KIRREL2: variants seen among roughly 807,000 people sequenced by gnomAD.
The protein encoded by KIRREL2 is kirre like nephrin family adhesion molecule 2.
In KIRREL2, 56 loss-of-function variants were observed where a neutral mutation model predicts 73.4. The ratio of observed to expected loss-of-function variants is 0.76; its 90% CI spans 0.62 to 0.95. The LOEUF (loss-of-function observed/expected upper bound fraction) is 0.95, where lower values mean the gene tolerates loss of function less well. Among genes scored for constraint, KIRREL2 ranks in the 40% least tolerant of loss-of-function variants. The pLI is 0.00. For missense variants in KIRREL2, 896 were observed against 935.0 expected, an observed-to-expected ratio of 0.96 and a Z score of 0.54; for synonymous variants, 407 against 404.0, an observed-to-expected ratio of 1.01 and a Z score of -0.09.
At position 35,860,885 on chromosome 19, in the gene KIRREL2, TGACCCCTA is replaced by T; in HGVS notation, c.929-22_929-15del. On this transcript the variant is annotated splice_polypyrimidine_tract_variant and intron_variant, in intron 7 of 14. Transcript: ENST00000360202. ...GTGGCTGCATTCCGCCCCGGCCATG[TGACCCCTA>T]GTCTCTTTCGTCCAGTTGGGCCGAT... The T allele has an allele frequency of 1.2e-6, 2 of 1,612,784 alleles. No homozygotes were observed. Among genetic ancestry groups the T allele is most frequent in the Non-Finnish European group, 1.7e-6 (2 of 1,179,626 alleles).
chr19:35,858,468 G>A lies in KIRREL2; in HGVS notation c.272G>A (p.Arg91Lys). 2 of 1,614,134 alleles carry A rather than the reference G, an allele frequency of 1.2e-6. No individual in the cohort carries two copies. Among genetic ancestry groups the A allele is most frequent in the Non-Finnish European group, 1.7e-6 (2 of 1,180,022 alleles). ...AATGGCCAGCATGACCTCCACATTA[G>A]GCCCGTGGAGCTAGAGGATGAAGCA... ...AANGQHDLHIRPVELEDEASY... is the reference protein window; with the variant it reads ...AANGQHDLHIKPVELEDEASY... The change falls in exon 3 of 15, where the codon AGG becomes AAG. Residue 91 changes from arginine (R) to lysine (K), a missense_variant. Coordinates refer to ENST00000360202, the MANE Select transcript of KIRREL2 (RefSeq NM_199180.4).
intron 13 of KIRREL2, among the ~76,000 whole-genome samples, chr19:35,863,757 G>A (rs1973818142): frequency 6.7e-6 from 1 of 148,308 alleles, no homozygotes; most frequent in South Asian, 2.2e-4. Flanking sequence ...CGGCCTGAGG[G>A]CTCAAGTCTT....
intron 12 of KIRREL2, 57 bp from the exon 13 acceptor site, chr19:35,862,870 G>T: frequency 9.6e-7 from 1 of 1,039,984 alleles, no homozygotes; most frequent in Non-Finnish European, 1.5e-6. Flanking sequence ...CCGCTTATTG[G>T]TCTGCACACA....
rs1187352433 is a variant in KIRREL2 at position 35,857,443 on chromosome 19, G to C, written c.160G>C (p.Val54Leu). 2 of 1,612,394 alleles carry C rather than the reference G, an allele frequency of 1.2e-6. No individual in the cohort carries two copies. Among genetic ancestry groups the C allele is most frequent in the East Asian group, 2.2e-5 (1 of 44,898 alleles). ...TGCTCTGGGCGCCTACTGGGGGCTA[G>C]TTCAGTGGACTAAGAGTGGGCTGGC... ...PCALGAYWGL[V>L]QWTKSGLALG... The change falls in exon 2 of 15, where the codon GTT (valine) becomes CTT (leucine). Residue 54 changes from valine (V) to leucine (L), a missense_variant. Coordinates refer to ENST00000360202, the MANE Select transcript of KIRREL2 (RefSeq NM_199180.4).
chr19:35,856,277 G>A (rs975281145), upstream of KIRREL2, among the ~76,000 whole-genome samples: 1 of 152,164 alleles, frequency 6.6e-6, no homozygotes, highest in African/African-American at 2.4e-5. This position sits in a 1 kb window ranked among gnomAD's most constrained non-coding sequence, Gnocchi z 5.9. Context: ...CAACCAGGCC[G>A]AGGGGCCCGG....
At position 35,860,662 on chromosome 19, in the gene KIRREL2, T is replaced by G; in HGVS notation, c.923T>G (p.Val308Gly). ...GSANRSTALD[V>G]LFGPILQAKP... is the part of the protein sequence containing the mutation. The stretch of plus-strand genomic sequence containing the variant: ...GCCAACCGCAGTACTGCGCTGGATG[T>G]GCTGTGTGAGCTGGGGCCGGCCTGT... The change falls in exon 7 of 15, where the codon GTG becomes GGG. Residue 308 changes from valine (V) to glycine (G), a missense_variant. Transcript: ENST00000360202. The G allele has an allele frequency of 6.2e-7, 1 of 1,602,672 alleles. No homozygotes were observed. The highest frequency in any genetic ancestry group is 8.5e-7 in the Non-Finnish European group (1 of 1,179,788).
chr19:35,857,189 C>T lies in KIRREL2; in HGVS notation c.61+9C>T, dbSNP rs751641018. 1 of 1,130,560 alleles carries T rather than the reference C, an allele frequency of 8.8e-7. No individual in the cohort carries two copies. Among genetic ancestry groups the T allele is most frequent in the Non-Finnish European group, 1.3e-6 (1 of 788,498 alleles). 70.0% of individuals were successfully genotyped at this position (1,130,560 alleles called of 1,614,324 possible). On this transcript the variant is annotated intron_variant, in intron 1 of 14. Transcript: ENST00000360202. ...CTTCAGAGGGAGAGCAGGTACCGCACGAGGGGAGCGGAGGAATATGGGGTG... is the reference window on the plus strand; with the variant it reads ...CTTCAGAGGGAGAGCAGGTACCGCATGAGGGGAGCGGAGGAATATGGGGTG...
intron 14 of KIRREL2, among the ~76,000 whole-genome samples, chr19:35,865,071 C>T (rs1445823222): frequency 1.3e-5 from 2 of 152,066 alleles, no homozygotes; most frequent in East Asian, 3.9e-4. Flanking sequence ...CCTCTGGGGT[C>T]CTACCTCAGG....
chr19:35,855,706 C>CACACACACACACACAT (rs1491182830), upstream of KIRREL2, among the ~76,000 whole-genome samples: 21 of 90,586 alleles, frequency 2.3e-4, no homozygotes, highest in East Asian at 3.1e-3. Flanking sequence ...CACACACACA[C>CACACACACACACACAT]ATACACACAG....
At position 35,862,861 on chromosome 19, in the gene KIRREL2, C is replaced by T. The variant is rs950071466; in HGVS notation, c.1616-66C>T. The T allele has an allele frequency of 6.2e-6, 6 of 962,532 alleles. No individual in the cohort carries two copies. In the African/African-American group the frequency reaches 9.8e-5, roughly 16 times the overall value. The allele number at this position is 962,532 out of a possible 1,614,324, so 59.6% of individuals were successfully genotyped here. A position where few individuals can be genotyped will look rare whatever the true frequency, so the allele number is the denominator to read the frequency against. ...ATTGGTTCCCAGTCCTCTCTCTTCC[C>T]GCTTATTGGTCTGCACACATTGTGA... On this transcript the variant is annotated intron_variant, in intron 12 of 14. Transcript: ENST00000360202.
In KIRREL2 at chr19:35,866,780, G is replaced by A. The variant is rs764207842; in HGVS notation, c.*288G>A. ...AGGAGAGATGGGGACAGGGCAGTGG[G>A]TGTTGGGAGTTTGGGGCCGGGATGG... On this transcript the variant is annotated 3_prime_UTR_variant, in exon 15 of 15. Transcript: ENST00000360202. 10 of 528,646 alleles carry A rather than the reference G, an allele frequency of 1.9e-5. No individual in the cohort carries two copies. Among genetic ancestry groups the A allele is most frequent in the Non-Finnish European group, 3.0e-5 (9 of 304,592 alleles). 32.7% of individuals were successfully genotyped at this position (528,646 alleles called of 1,614,324 possible).
chr19:35,864,758 C>A, intron 14 of KIRREL2, 45 bp downstream of exon 14: 1 of 1,420,646 alleles, frequency 7.0e-7, no homozygotes, highest in Non-Finnish European at 9.9e-7. Flanking sequence ...TTGGGAGAGG[C>A]GGGGCTCCCT....
chr19:35,861,156 C>T lies in KIRREL2; in HGVS notation c.1091C>T (p.Ser364Leu), dbSNP rs931063341. The T allele has an allele frequency of 6.3e-7, 1 of 1,592,294 alleles. No individual in the cohort carries two copies. The highest frequency in any genetic ancestry group is 8.5e-7 in the Non-Finnish European group (1 of 1,170,686). ...LGSGATLRLP[S>L]VGPEDAGDYV... Reference sequence around the variant, plus strand: ...TCTGGAGCCACACTGCGTCTTCCGTCGGTGGGGCCCGAGGACGCAGGCGAC... The same window carrying T: ...TCTGGAGCCACACTGCGTCTTCCGTTGGTGGGGCCCGAGGACGCAGGCGAC... The change falls in exon 9 of 15, where the codon TCG (serine) becomes TTG (leucine). Residue 364 changes from serine to leucine, a missense_variant. Transcript: ENST00000360202.
At chr19:35,851,644 G>A (rs544235158), upstream of KIRREL2, 82 of 1,613,770 alleles carry the variant, frequency 5.1e-5, 1 homozygote, top group South Asian at 5.1e-4. Context: ...CCCGGGGAAC[G>A]GAGGCAGGAA....
chr19:35,863,536 T>C (rs2146877401), intron 13 of KIRREL2, among the ~76,000 whole-genome samples: 1 of 148,874 alleles, frequency 6.7e-6, no homozygotes, highest in South Asian at 2.2e-4. Flanking sequence ...CACTGCAACC[T>C]CTGCCTCCCT....
At chr19:35,852,359 C>A (rs1191016873), upstream of KIRREL2, among the ~76,000 whole-genome samples, 1 of 152,032 alleles carries the variant, frequency 6.6e-6, no homozygotes, top group Non-Finnish European at 1.5e-5. Context: ...ACCCCTCACT[C>A]CTGCTCCTTG....
chr19:35,854,437 T>A (rs1377558883), upstream of KIRREL2, among the ~76,000 whole-genome samples: 1 of 152,040 alleles, frequency 6.6e-6, no homozygotes, highest in African/African-American at 2.4e-5. Context: ...TTCTCCTGCC[T>A]CAGCCTCCCT....
intron 1 of KIRREL2, 77 bp from the exon 2 acceptor site, chr19:35,857,268 G>T: frequency 6.2e-7 from 1 of 1,607,062 alleles, no homozygotes; most frequent in South Asian, 1.1e-5. Flanking sequence ...GGGAGCTGGG[G>T]GCTGGGACTC....
upstream of KIRREL2, among the ~76,000 whole-genome samples, chr19:35,854,497 A>G (rs1424591401): frequency 6.6e-6 from 1 of 150,508 alleles, no homozygotes; most frequent in Admixed American, 6.6e-5. Context: ...AATTTTTTGT[A>G]TTTTTAGTAA....
Sources: gnomAD v4.1 joint callset for allele counts (sites outside exome capture counted in the v4.1 genomes callset) on GRCh38, gnomAD v4.1.1 for gene constraint, Gnocchi (gnomAD v3.1) non-coding constraint, MANE v1.5 for transcripts, NCBI Gene and HGNC (gene_info 2026-07-23, HGNC 2026-07-21) for gene names.